The following SOHLH2 variants were observed in gnomAD, a reference collection of about 807,000 sequenced individuals.
The protein encoded by SOHLH2 is spermatogenesis- and oogenesis-specific basic helix-loop-helix-containing protein 2.
SOHLH2 carries 22 observed loss-of-function variants against 50.4 expected under a neutral mutation model. The ratio of observed to expected loss-of-function variants is 0.44; its 90% CI spans 0.31 to 0.62. The LOEUF is 0.62. Ranked by LOEUF, SOHLH2 falls within the 20% of genes least tolerant of loss-of-function variation. The probability of loss-of-function intolerance (pLI) is 0.08; values close to 1 mark genes in which losing one functional copy is unlikely to be tolerated. For synonymous variants in SOHLH2, 185 were observed against 187.3 expected (o/e 0.99, Z 0.10); for missense variants, 412 against 504.4 (o/e 0.82, Z 1.76).
chr13:36,201,681 G>T (rs1259241759), intron 2 of SOHLH2, among the ~76,000 whole-genome samples, 198 bp downstream of exon 2: 1 of 152,100 alleles, frequency 6.6e-6, no homozygotes, highest in African/African-American at 2.4e-5. Flanking sequence ...TGTTGCCCAG[G>T]CAGGTCTGGA....
intron 1 of SOHLH2, among the ~76,000 whole-genome samples, chr13:36,209,626 AC>A (rs575391282): frequency 1.6e-3 from 247 of 152,200 alleles, no homozygotes; most frequent in African/African-American, 5.7e-3. Context: ...CCTCCCAAAG[AC>A]CCCACCTGCT....
intron 1 of SOHLH2, among the ~76,000 whole-genome samples, chr13:36,203,961 T>G (rs1433116343): frequency 2.7e-5 from 4 of 147,322 alleles, no homozygotes; most frequent in Non-Finnish European, 6.0e-5. Flanking sequence ...TTTGTTTTTT[T>G]TTTTTTTTTT....
At chr13:36,204,598 G>T (rs1258895521) in intron 1 of SOHLH2, among the ~76,000 whole-genome samples, 2 of 152,140 alleles carry the variant, frequency 1.3e-5, no homozygotes, top group Non-Finnish European at 2.9e-5. Context: ...GTAGGGGTGT[G>T]TGGGGGTGTG....
At chr13:36,185,863 G>A (rs1359772971) in intron 6 of SOHLH2, among the ~76,000 whole-genome samples, 2 of 152,104 alleles carry the variant, frequency 1.3e-5, no homozygotes, top group African/African-American at 4.8e-5. Flanking sequence ...TACAGAAATT[G>A]AATATGTAAT....
chr13:36,174,173 C>T (rs867997672), intron 8 of SOHLH2, among the ~76,000 whole-genome samples: 2 of 152,032 alleles, frequency 1.3e-5, no homozygotes. Context: ...GAAGCCATCA[C>T]GTCCCTGCTG....
chr13:36,184,711 G>T (rs1887364898), intron 6 of SOHLH2, among the ~76,000 whole-genome samples: 2 of 152,014 alleles, frequency 1.3e-5, no homozygotes, highest in South Asian at 4.1e-4. Context: ...ACCCGCCTTG[G>T]CCTCCCAAAG....
At chr13:36,180,689 C>G (rs1344717378) in intron 6 of SOHLH2, among the ~76,000 whole-genome samples, 1 of 131,450 alleles carries the variant, frequency 7.6e-6, no homozygotes, top group East Asian at 2.2e-4. Context: ...CCCTTTAAAT[C>G]TTACTCTTAC....
intron 1 of SOHLH2, among the ~76,000 whole-genome samples, chr13:36,213,478 T>G: frequency 6.6e-6 from 1 of 152,150 alleles, no homozygotes. Context: ...CACAAAAGAT[T>G]GCTCTCTCCT....
chr13:36,214,496 A>C lies in SOHLH2; in HGVS notation c.31T>G (p.Cys11Gly). MASSIICQEH[C>G]QISGQAKIDI... ...CCTCTTACCTGGCCCGAGATCTGGC[A>C]GTGCTCCTGGCAGATAATTGAGGAA... Residue 11 changes from cysteine to glycine, a missense_variant, in exon 1 of 11, where the codon TGC becomes GGC. Cys to Gly is a radical substitution (Grantham distance 159). Transcript: ENST00000379881. 3 of 1,612,968 alleles carry C rather than the reference A, an allele frequency of 1.9e-6. No individual in the cohort carries two copies. The highest frequency in any genetic ancestry group is 2.5e-6 in the Non-Finnish European group (3 of 1,179,558).
intron 1 of SOHLH2, among the ~76,000 whole-genome samples, chr13:36,214,259 C>CG (rs1457645030): frequency 2.0e-5 from 3 of 152,100 alleles, no homozygotes; most frequent in Non-Finnish European, 4.4e-5. Flanking sequence ...TGGTGGCACC[C>CG]GGGGGCACCC....
chr13:36,178,497 A>C (rs1205175399), intron 6 of SOHLH2, among the ~76,000 whole-genome samples: 2 of 152,186 alleles, frequency 1.3e-5, no homozygotes, highest in Non-Finnish European at 2.9e-5. Flanking sequence ...CTTTTATGCC[A>C]GTTACCTACT....
At chr13:36,176,043 C>T (rs1210206252) in intron 6 of SOHLH2, among the ~76,000 whole-genome samples, 1 of 152,048 alleles carries the variant, frequency 6.6e-6, no homozygotes, top group Non-Finnish European at 1.5e-5. Flanking sequence ...TAGGAGGATG[C>T]CTTAAGTAAG....
chr13:36,190,380 C>A (rs1380111868), intron 5 of SOHLH2, among the ~76,000 whole-genome samples: 1 of 152,074 alleles, frequency 6.6e-6, no homozygotes, highest in Non-Finnish European at 1.5e-5. Context: ...TGACTATGCA[C>A]CCTTCAGAAG....
chr13:36,173,894 T>A, intron 8 of SOHLH2, 84 bp from the exon 9 acceptor site: 1 of 1,490,852 alleles, frequency 6.7e-7, no homozygotes, highest in Non-Finnish European at 9.2e-7. Context: ...CTTTTATCAT[T>A]CAAGTTCTAA....
chr13:36,202,138 C>A lies in SOHLH2; in HGVS notation c.49-45G>T, dbSNP rs1275179989. 3.7e-6 allele frequency: 6 copies of A among 1,605,810 alleles called. No homozygotes were observed. The South Asian group carries it at 5.5e-5, about 15-fold the overall frequency. ...AGGCGTCACATAATTATTGCCTAGG[C>A]ATAGGGAAAATGTCATGTATGAGAG... On this transcript the variant is annotated intron_variant, in intron 1 of 10. Transcript: ENST00000379881.
intron 4 of SOHLH2, among the ~76,000 whole-genome samples, chr13:36,192,921 A>G (rs1204409999): frequency 6.6e-6 from 1 of 152,168 alleles, no homozygotes; most frequent in East Asian, 1.9e-4. Context: ...TTGACCAACA[A>G]TAGTCCCAAT....
Position 36,194,489 on chromosome 13 carries a change from C to T in SOHLH2, c.264-622G>A, listed in dbSNP as rs540330739. 2.5e-4 allele frequency among the ~76,000 whole-genome samples: 38 copies of T among 152,208 alleles called. No individual in the cohort carries two copies. The East Asian group carries it at 3.7e-3, about 15-fold the overall frequency. The stretch of plus-strand genomic sequence containing the variant: ...TTTAGATTTGTCTTAAAATAATCCA[C>T]TGGTGGGCAGGGGTGGGAAGGTAGG... On this transcript the variant is annotated intron_variant, in intron 2 of 10. Transcript: ENST00000379881.
intron 9 of SOHLH2, among the ~76,000 whole-genome samples, chr13:36,171,243 G>A (rs1886954937): frequency 6.6e-6 from 1 of 151,956 alleles, no homozygotes; most frequent in African/African-American, 2.4e-5. Context: ...ATTTTCTACT[G>A]GACATTAATA....
chr13:36,190,161 CT>C (rs1887534759), intron 5 of SOHLH2, 105 bp from the exon 6 acceptor site: 1 of 1,007,718 alleles, frequency 9.9e-7, no homozygotes, highest in Non-Finnish European at 1.4e-6. Context: ...CTCTAAGTCT[CT>C]TGCTTCATAC....
Sources: allele counts gnomAD v4.1 joint callset (sites outside exome capture counted in the v4.1 genomes callset), GRCh38; gene constraint gnomAD v4.1.1; transcripts MANE v1.5; gene names NCBI Gene and HGNC (gene_info 2026-07-23, HGNC 2026-07-21).